KDM4B: variants seen among roughly 807,000 people sequenced by gnomAD.
KDM4B encodes the protein lysine demethylase 4B, also known as lysine-specific demethylase 4B.
A neutral mutation model predicts 125.2 loss-of-function variants in KDM4B; 32 were observed. The observed-to-expected ratio is 0.26, with a 90% confidence interval of 0.19 to 0.34. The LOEUF is 0.34. KDM4B is among the 10% of genes least tolerant of loss of function. KDM4B has a pLI of 1.00. For missense variants in KDM4B, 1,190 were observed against 1,577.7 expected (o/e 0.75, Z 4.16); for synonymous variants, 721 against 677.9 (o/e 1.06, Z -0.99).
chr19:5,024,088 G>T (rs10413045), intron 2 of KDM4B, among the ~76,000 whole-genome samples: 46,443 of 151,900 alleles, frequency 0.31, 7,306 homozygotes, highest in Non-Finnish European at 0.34. Context: ...ATCAGTTTCT[G>T]CGTGTGGCCG....
At position 5,115,399 on chromosome 19, in the gene KDM4B, A is replaced by T. The variant is rs1423553579; in HGVS notation, c.1116-4254A>T. 2.6e-5 allele frequency among the ~76,000 whole-genome samples: 4 copies of T among 152,254 alleles called. No homozygotes were observed. In the East Asian group the frequency reaches 7.7e-4, roughly 29 times the overall value. The stretch of plus-strand genomic sequence containing the variant: ...TCACATCCCCCCAACCCCCAAGGCC[A>T]GGAGAGACAATAGAGGGGGTGGGGG... On this transcript the variant is annotated intron_variant, in intron 10 of 22. Coordinates refer to ENST00000159111, the MANE Select transcript of KDM4B (RefSeq NM_015015.3). This position sits in a 1 kb window ranked among gnomAD's most constrained non-coding sequence, Gnocchi z 4.2.
At chr19:5,144,221 C>T in intron 19 of KDM4B, 27 bp from the exon 20 acceptor site, 3 of 1,590,484 alleles carry the variant, frequency 1.9e-6, no homozygotes, top group Non-Finnish European at 2.6e-6. Flanking sequence ...GCGCTGACCG[C>T]CCCCCACACC....
At chr19:5,011,782 C>T (rs924355143) in intron 1 of KDM4B, among the ~76,000 whole-genome samples, 5 of 152,232 alleles carry the variant, frequency 3.3e-5, no homozygotes, top group African/African-American at 4.8e-5. Context: ...CTGGGGGCTC[C>T]GGTGACTGGC....
chr19:5,111,508 G>T, intron 10 of KDM4B: 2 of 765,154 alleles, frequency 2.6e-6, no homozygotes, highest in South Asian at 2.7e-5. Context: ...GGCAGGTCCC[G>T]GCCTAGGAGG....
At chr19:5,036,754 G>C (rs941870124) in intron 3 of KDM4B, among the ~76,000 whole-genome samples, 1 of 152,378 alleles carries the variant, frequency 6.6e-6, no homozygotes, top group Admixed American at 6.5e-5. Flanking sequence ...GGCTTTCAGT[G>C]CCTCCTTTTC....
intron 6 of KDM4B, among the ~76,000 whole-genome samples, chr19:5,066,927 G>C (rs1446680194): frequency 6.6e-6 from 1 of 152,326 alleles, no homozygotes; most frequent in South Asian, 2.1e-4. Flanking sequence ...TGGTGCAGAG[G>C]AGTGGCGATG....
intron 15 of KDM4B, among the ~76,000 whole-genome samples, chr19:5,136,160 G>T (rs2039644946): frequency 6.6e-6 from 1 of 152,220 alleles, no homozygotes; most frequent in East Asian, 1.9e-4. Flanking sequence ...GGCCTGGGAG[G>T]CGACAGGAGG....
intron 10 of KDM4B, among the ~76,000 whole-genome samples, chr19:5,117,565 C>T (rs1221866423): frequency 6.6e-6 from 1 of 152,174 alleles, no homozygotes; most frequent in Non-Finnish European, 1.5e-5. Context: ...AAGCTTCCTC[C>T]TCCTGAGCCT....
At chr19:5,004,269 G>T (rs1403539938) in intron 1 of KDM4B, among the ~76,000 whole-genome samples, 1 of 152,126 alleles carries the variant, frequency 6.6e-6, no homozygotes, top group Non-Finnish European at 1.5e-5. Context: ...TCCACACGCC[G>T]GCCCCTGGCA....
At position 5,144,352 on chromosome 19, in the gene KDM4B, C is replaced by T. The variant is rs2039801139; in HGVS notation, c.2841C>T (p.Cys947=). 5 of 1,396,660 alleles carry T rather than the reference C, an allele frequency of 3.6e-6. No individual in the cohort carries two copies. The South Asian group carries it at 5.0e-5, about 14-fold the overall frequency. The allele number at this position is 1,396,660 out of a possible 1,614,324, so 86.5% of individuals were successfully genotyped here. A position where few individuals can be genotyped will look rare whatever the true frequency, so the allele number is the denominator to read the frequency against. The change falls in exon 20 of 23, where the codon TGC becomes TGT. Residue 947 remains cysteine, a synonymous_variant. Transcript: ENST00000159111. ...TCATCGGTGCCGCCTCGCAGACCTG[C>T]TACGAAGTGAACTTCGACGATGGCT... ...CRVIGAASQT[C]YEVNFDDGSY...
At chr19:5,000,758 GT>G (rs1289919335) in intron 1 of KDM4B, among the ~76,000 whole-genome samples, 7 of 152,022 alleles carry the variant, frequency 4.6e-5, no homozygotes, top group Non-Finnish European at 5.9e-5. Flanking sequence ...ACTTGTTTTT[GT>G]TTGTGTTTTG....
At position 5,114,804 on chromosome 19, in the gene KDM4B, A is replaced by ACT. The variant is rs1478581952; in HGVS notation, c.1115+3987_1115+3988dup. On this transcript the variant is annotated intron_variant, in intron 10 of 22. Coordinates refer to ENST00000159111, the MANE Select transcript of KDM4B (RefSeq NM_015015.3). The surrounding 1 kb of genome is among the most constrained non-coding windows in gnomAD (Gnocchi z 5.8). The stretch of plus-strand genomic sequence containing the variant: ...CTGGGTGCTGCAGGTGCCCTGTGTT[A>ACT]CTGGGTGACAGGGCCAGAGGCCGTC... Among the ~76,000 whole-genome samples the ACT allele has an allele frequency of 1.3e-5, 2 of 152,198 alleles. No homozygotes were observed. Among genetic ancestry groups the ACT allele is most frequent in the African/African-American group, 4.8e-5 (2 of 41,448 alleles).
At position 5,119,761 on chromosome 19, in the gene KDM4B, G is replaced by A. The variant is rs1842496281; in HGVS notation, c.1224G>A (p.Val408=). ...TCCTAGAGGAGGCTGGGGGCAGCGT[G>A]AAGGAGGAGGCTGGGCCGGAGGTTG... ...AALLEEAGGS[V]KEEAGPEVDP... is the part of the protein sequence containing the mutation. Residue 408 remains valine, a synonymous_variant, in exon 11 of 23, where the codon GTG becomes GTA. Coordinates refer to ENST00000159111, the MANE Select transcript of KDM4B (RefSeq NM_015015.3). 1 of 1,547,738 alleles carries A rather than the reference G, an allele frequency of 6.5e-7. No individual in the cohort carries two copies. The highest frequency in any genetic ancestry group is 1.2e-5 in the South Asian group (1 of 83,738).
chr19:5,138,974 G>GT (rs2039696773), intron 18 of KDM4B, among the ~76,000 whole-genome samples: 1 of 152,200 alleles, frequency 6.6e-6, no homozygotes, highest in African/African-American at 2.4e-5. Flanking sequence ...CCAGGCTGGA[G>GT]TGCAGTGGTG....
intron 21 of KDM4B, among the ~76,000 whole-genome samples, chr19:5,145,719 G>A (rs2039829196): frequency 6.6e-6 from 1 of 152,194 alleles, no homozygotes; most frequent in Non-Finnish European, 1.5e-5. Context: ...CTGGCTCGAG[G>A]CTCCCGGGAG....
rs1294034610 is a variant in KDM4B at position 5,131,301 on chromosome 19, C to T, written c.1541C>T (p.Pro514Leu). 3.1e-6 allele frequency: 5 copies of T among 1,612,192 alleles called. No individual in the cohort carries two copies. The highest frequency in any genetic ancestry group is 4.2e-6 in the Non-Finnish European group (5 of 1,179,802). The stretch of plus-strand genomic sequence containing the variant: ...CTTAATGTCGTGCCCCCTGAGGTGC[C>T]CAGTGAGGAGCTAGAGGCCAAGCCT... ...APLNVVPPEV[P>L]SEELEAKPRP... The change falls in exon 12 of 23, where the codon CCC becomes CTC. Residue 514 changes from proline to leucine, a missense_variant. Physicochemically the swap from Pro to Leu is moderately conservative, Grantham distance 98. Coordinates refer to ENST00000159111, the MANE Select transcript of KDM4B (RefSeq NM_015015.3).
intron 2 of KDM4B, among the ~76,000 whole-genome samples, chr19:5,017,173 C>T (rs892906419): frequency 1.3e-5 from 2 of 152,142 alleles, no homozygotes; most frequent in Admixed American, 6.5e-5. Context: ...TGAGCTGGGG[C>T]CCTTGAGTCA....
intron 21 of KDM4B, among the ~76,000 whole-genome samples, chr19:5,148,155 C>G (rs952549392): frequency 6.6e-6 from 1 of 152,204 alleles, no homozygotes; most frequent in South Asian, 2.1e-4. Flanking sequence ...GAGCCCGGGC[C>G]GAGGCGCACG....
chr19:5,131,161 GC>G lies in KDM4B; in HGVS notation c.1406del (p.Pro469ArgfsTer50). 6.4e-7 allele frequency: 1 copy of G among 1,568,712 alleles called. No homozygotes were observed. On this transcript the variant is annotated frameshift_variant, in exon 12 of 23. Transcript: ENST00000159111. LOFTEE classifies it high-confidence loss of function. ...TCGGCCTGCTGCCCCCACAGCTGCC[GC>G]CCCCGCCTGCTCACTTCCCCTCAGA... ...SFGLLPPQLPPPPAHFPSEEA... is the reference protein window; with the variant it reads ...SFGLLPPQLPXPPAHFPSEEA...
Sources: gnomAD v4.1 joint callset for allele counts (sites outside exome capture counted in the v4.1 genomes callset) on GRCh38, gnomAD v4.1.1 for gene constraint, Gnocchi (gnomAD v3.1) non-coding constraint, MANE v1.5 for transcripts, NCBI Gene and HGNC (gene_info 2026-07-23, HGNC 2026-07-21) for gene names.